Variants in RICTOR observed in about 807,000 individuals in gnomAD.
The protein encoded by RICTOR is rapamycin-insensitive companion of mTOR.
In RICTOR, 49 loss-of-function variants were observed where a neutral mutation model predicts 214.9. That is an observed-to-expected ratio of 0.23 (90% CI 0.18 to 0.29). The LOEUF (loss-of-function observed/expected upper bound fraction) is 0.29. Among genes scored for constraint, RICTOR ranks in the 10% least tolerant of loss-of-function variants. The pLI is 1.00. For synonymous variants in RICTOR, 717 were observed against 711.3 expected (o/e 1.01, Z -0.13); for missense variants, 1,625 against 2,047.0 (o/e 0.79, Z 3.98).
chr5:39,073,971 G>T, intron 2 of RICTOR, 140 bp downstream of exon 2: 1 of 347,654 alleles, frequency 2.9e-6, no homozygotes, highest in Non-Finnish European at 4.3e-6. Flanking sequence ...GTTCCCGCGG[G>T]CCGGCAGGCG....
chr5:39,044,103 T>C (rs570432048), intron 2 of RICTOR, among the ~76,000 whole-genome samples: 2 of 152,294 alleles, frequency 1.3e-5, no homozygotes, highest in African/African-American at 4.8e-5. Flanking sequence ...CACTGTACCC[T>C]ATAAATATGT....
chr5:38,974,042 C>A (rs1751002784), intron 10 of RICTOR, among the ~76,000 whole-genome samples: 2 of 152,022 alleles, frequency 1.3e-5, no homozygotes, highest in Admixed American at 1.3e-4. Context: ...AGACTCCCAC[C>A]CCTCTAAGTT....
At chr5:38,983,991 G>T (rs907707868) in intron 7 of RICTOR, among the ~76,000 whole-genome samples, 3 of 151,644 alleles carry the variant, frequency 2.0e-5, no homozygotes, top group African/African-American at 7.3e-5. Flanking sequence ...CAAAACAAAA[G>T]AAAGAAATCT....
chr5:38,964,645 GA>G (rs1750065384), intron 16 of RICTOR, 146 bp downstream of exon 16: 1 of 443,604 alleles, frequency 2.3e-6, no homozygotes, highest in African/African-American at 2.0e-5. Flanking sequence ...AATATTTTTA[GA>G]ACTATTAATT....
rs1759375485 is a variant in RICTOR at position 39,072,227 on chromosome 5, T to C, written c.97+1884A>G. Among the ~76,000 whole-genome samples the C allele has an allele frequency of 2.0e-5, 3 of 152,220 alleles. No individual in the cohort carries two copies. In the South Asian group the frequency reaches 6.2e-4, roughly 31 times the overall value. On this transcript the variant is annotated intron_variant, in intron 2 of 37. Coordinates refer to ENST00000357387, the MANE Select transcript of RICTOR (RefSeq NM_152756.5). ...AAAACAGCATTTTCTGCACTATCTA[T>C]ATTAACCTGGAAATACCTATGGACA... is the stretch of plus-strand genomic sequence containing the variant.
At chr5:38,978,727 T>G in intron 8 of RICTOR, 77 bp from the exon 9 acceptor site, 1 of 683,338 alleles carries the variant, frequency 1.5e-6, no homozygotes, top group Non-Finnish European at 2.5e-6. Flanking sequence ...AATGTAACAT[T>G]CCATTTCTCT....
At chr5:39,066,475 T>G (rs1012460614) in intron 2 of RICTOR, among the ~76,000 whole-genome samples, 4 of 152,248 alleles carry the variant, frequency 2.6e-5, no homozygotes, top group African/African-American at 9.6e-5. Context: ...TATCAGCACT[T>G]TGGCATGTGT....
At chr5:38,943,073 G>A in intron 36 of RICTOR, 102 bp from the exon 37 acceptor site, 4 of 719,202 alleles carry the variant, frequency 5.6e-6, no homozygotes, top group South Asian at 3.9e-5. Flanking sequence ...CTACAGATAT[G>A]GATTAGATGG....
intron 37 of RICTOR, 72 bp from the exon 38 acceptor site, chr5:38,942,450 T>A: frequency 1.3e-6 from 1 of 792,940 alleles, no homozygotes; most frequent in Non-Finnish European, 1.9e-6. Context: ...TATAAATATC[T>A]AATTTTTTTT....
chr5:38,982,094 A>T (rs1429859539), intron 7 of RICTOR, 58 bp from the exon 8 acceptor site: 1 of 1,299,088 alleles, frequency 7.7e-7, no homozygotes, highest in Non-Finnish European at 1.1e-6. Flanking sequence ...GTAATAAAAA[A>T]TCTAGGCTTT....
At chr5:39,051,327 T>C (rs1046785816) in intron 2 of RICTOR, among the ~76,000 whole-genome samples, 1 of 152,242 alleles carries the variant, frequency 6.6e-6, no homozygotes, top group African/African-American at 2.4e-5. Context: ...TATAAACAAA[T>C]AATTTTCTCA....
At position 38,954,875 on chromosome 5, in the gene RICTOR, G is replaced by C. The variant is rs764258772; in HGVS notation, c.2610-14C>G. On this transcript the variant is annotated splice_polypyrimidine_tract_variant and intron_variant, in intron 26 of 37. Transcript: ENST00000357387. Reference sequence around the variant, plus strand: ...GGACGCTGTAATCTAGTATAATAAAGATGATTACTATATCTCTTGGCTAAT... The same window carrying C: ...GGACGCTGTAATCTAGTATAATAAACATGATTACTATATCTCTTGGCTAAT... The C allele has an allele frequency of 7.4e-7, 1 of 1,342,448 alleles. No individual in the cohort carries two copies. The highest frequency in any genetic ancestry group is 1.2e-5 in the South Asian group (1 of 81,994). The allele number at this position is 1,342,448 out of a possible 1,614,324, so 83.2% of individuals were successfully genotyped here.
chr5:39,034,763 G>A (rs1756541463), intron 2 of RICTOR, among the ~76,000 whole-genome samples: 2 of 152,016 alleles, frequency 1.3e-5, no homozygotes, highest in Non-Finnish European at 1.5e-5. Context: ...CAGCGAGGCT[G>A]GGGGAGGGGC....
chr5:39,034,843 G>A (rs12659517), intron 2 of RICTOR, among the ~76,000 whole-genome samples: 58,744 of 152,156 alleles, frequency 0.39, 11,733 homozygotes, highest in East Asian at 0.6. Flanking sequence ...GGAGCCCACC[G>A]CAGCTCAAGG....
intron 2 of RICTOR, among the ~76,000 whole-genome samples, chr5:39,046,809 G>C (rs1757531343): frequency 6.6e-6 from 1 of 151,624 alleles, no homozygotes; most frequent in African/African-American, 2.4e-5. Flanking sequence ...GGTTGCCAGG[G>C]AAAAAAAATG....
chr5:38,944,753 A>G (rs145052335), intron 35 of RICTOR, among the ~76,000 whole-genome samples, 160 bp downstream of exon 35: 271 of 152,338 alleles, frequency 1.8e-3, no homozygotes, highest in African/African-American at 6.2e-3. Context: ...TCAGTGGGTG[A>G]TATAGGTGCA....
At chr5:39,038,763 T>A (rs915475553) in intron 2 of RICTOR, among the ~76,000 whole-genome samples, 16 of 152,230 alleles carry the variant, frequency 1.1e-4, no homozygotes, top group Admixed American at 9.2e-4. Context: ...TTACAAGGGA[T>A]GTGAAGGACC....
chr5:39,016,399 T>A (rs1370911679), intron 3 of RICTOR, among the ~76,000 whole-genome samples: 1 of 143,422 alleles, frequency 7.0e-6, no homozygotes, highest in Admixed American at 6.9e-5. Context: ...AAGAAAAGAG[T>A]GAGAAGATGA....
chr5:38,984,050 G>GT lies in RICTOR; in HGVS notation c.584-2015dup, dbSNP rs33986537. 1.6e-3 allele frequency among the ~76,000 whole-genome samples: 240 copies of GT among 151,280 alleles called. 1 individual carries two copies. Among genetic ancestry groups the GT allele is most frequent in the African/African-American group, 5.3e-3 (219 of 41,310 alleles). ...AGATAACACTACGTAAGAATTACCT[G>GT]TTTTTTTTTTTAAAACAAAAGTACC... On this transcript the variant is annotated intron_variant, in intron 7 of 37. Coordinates refer to ENST00000357387, the MANE Select transcript of RICTOR (RefSeq NM_152756.5).
Sources: allele counts gnomAD v4.1 joint callset (sites outside exome capture counted in the v4.1 genomes callset), GRCh38; gene constraint gnomAD v4.1.1; transcripts MANE v1.5; gene names NCBI Gene and HGNC (gene_info 2026-07-23, HGNC 2026-07-21).